Variants in NRG2 observed in about 807,000 individuals in gnomAD.
NRG2 encodes the protein pro-neuregulin-2, membrane-bound isoform.
NRG2 carries 27 observed loss-of-function variants against 73.9 expected under a neutral mutation model. That is an observed-to-expected ratio of 0.37 (90% CI 0.27 to 0.50). NRG2 has a LOEUF of 0.50. Ranked by LOEUF, NRG2 falls within the 20% of genes least tolerant of loss-of-function variation. The pLI is 0.96. For synonymous variants in NRG2, 532 were observed against 541.0 expected (o/e 0.98, Z 0.23); for missense variants, 1,126 against 1,210.1 (o/e 0.93, Z 1.03).
chr5:139,848,779 G>GGGGGGGGGGGC, intron 9 of NRG2, 82 bp from the exon 10 acceptor site: 3 of 198,602 alleles, frequency 1.5e-5, no homozygotes, highest in Non-Finnish European at 3.0e-5. Context: ...GGTAGGGTGG[G>GGGGGGGGGGGC]AGGGGCGGAC....
intron 1 of NRG2, among the ~76,000 whole-genome samples, chr5:140,037,430 G>A (rs1761585844): frequency 1.3e-5 from 2 of 152,164 alleles, no homozygotes; most frequent in African/African-American, 4.8e-5. Flanking sequence ...ATATTTGTGA[G>A]GTAAGGTATT....
chr5:139,913,648 A>G (rs1307090207), intron 1 of NRG2, among the ~76,000 whole-genome samples: 1 of 152,180 alleles, frequency 6.6e-6, no homozygotes, highest in Non-Finnish European at 1.5e-5. Flanking sequence ...GTGCCAGACA[A>G]TGCTTGCTCC....
intron 1 of NRG2, among the ~76,000 whole-genome samples, chr5:139,987,690 A>G (rs1757273891): frequency 6.6e-6 from 1 of 152,054 alleles, no homozygotes; most frequent in South Asian, 2.1e-4. Context: ...CTTTCATTTC[A>G]GGAAGCTAAC....
intron 4 of NRG2, 49 bp downstream of exon 4, chr5:139,871,672 A>C: frequency 1.2e-6 from 2 of 1,607,704 alleles, no homozygotes; most frequent in Non-Finnish European, 1.7e-6. Context: ...CTGACCCAGC[A>C]TCTCCTACCC....
At position 139,946,823 on chromosome 5, in the gene NRG2, G is replaced by A. The variant is rs867995088; in HGVS notation, c.701-59312C>T. On this transcript the variant is annotated intron_variant, in intron 1 of 9. Coordinates refer to ENST00000361474, the MANE Select transcript of NRG2 (RefSeq NM_004883.3). ...GGTTTAATTTTTTCTTTGGAGAAAT[G>A]TCTTTAATTTCTTCTTTGGAGAAAT... 7.9e-5 allele frequency among the ~76,000 whole-genome samples: 12 copies of A among 152,134 alleles called. No homozygotes were observed. In the South Asian group the frequency reaches 8.3e-4, roughly 11 times the overall value.
chr5:139,974,353 A>G (rs531709494), intron 1 of NRG2, among the ~76,000 whole-genome samples: 1 of 152,090 alleles, frequency 6.6e-6, no homozygotes, highest in Admixed American at 6.5e-5. Flanking sequence ...TCCTTGGCAA[A>G]ATGGGGAAGG....
At chr5:139,991,217 A>G (rs1757604396) in intron 1 of NRG2, among the ~76,000 whole-genome samples, 1 of 152,116 alleles carries the variant, frequency 6.6e-6, no homozygotes, top group African/African-American at 2.4e-5. Context: ...CAGAGGTTTC[A>G]GTGAGCCAAG....
intron 1 of NRG2, among the ~76,000 whole-genome samples, chr5:139,970,058 G>T (rs1293552611): frequency 6.6e-6 from 1 of 152,128 alleles, no homozygotes; most frequent in East Asian, 1.9e-4. Context: ...ACCTTTAGAA[G>T]TCCCTAAAGG....
chr5:139,929,768 G>A (rs1484462671), intron 1 of NRG2, among the ~76,000 whole-genome samples: 6 of 152,152 alleles, frequency 3.9e-5, no homozygotes. Flanking sequence ...CCCTCCAACA[G>A]TCTGACTCCT....
chr5:139,849,212 C>A (rs1335737369), intron 9 of NRG2, among the ~76,000 whole-genome samples: 1 of 152,188 alleles, frequency 6.6e-6, no homozygotes, highest in Non-Finnish European at 1.5e-5. Context: ...AGGATTTACA[C>A]AGCCAAGAAG....
chr5:139,850,808 C>T (rs1250692937), intron 9 of NRG2, among the ~76,000 whole-genome samples: 1 of 152,186 alleles, frequency 6.6e-6, no homozygotes, highest in Admixed American at 6.5e-5. Flanking sequence ...GTTGCTGCTA[C>T]TGCCAAGGCC....
At chr5:139,974,239 C>T in intron 1 of NRG2, among the ~76,000 whole-genome samples, 1 of 152,102 alleles carries the variant, frequency 6.6e-6, no homozygotes, top group East Asian at 1.9e-4. Context: ...TTCCTCCTCA[C>T]CGAGAAAATG....
At chr5:139,883,883 G>A (rs1763701990) in intron 2 of NRG2, among the ~76,000 whole-genome samples, 2 of 152,192 alleles carry the variant, frequency 1.3e-5, no homozygotes, top group Non-Finnish European at 2.9e-5. Context: ...GTAGGGAGCA[G>A]GGGGCACACT....
intron 1 of NRG2, among the ~76,000 whole-genome samples, chr5:139,984,153 C>A (rs1029549409): frequency 7.9e-5 from 12 of 152,034 alleles, no homozygotes; most frequent in African/African-American, 2.9e-4. Context: ...CTAAGAATTT[C>A]TTTTAAGGCA....
At position 139,979,256 on chromosome 5, in the gene NRG2, C is replaced by G. The variant is rs562463538; in HGVS notation, c.700+63114G>C. 5.3e-5 allele frequency among the ~76,000 whole-genome samples: 8 copies of G among 151,884 alleles called. No individual in the cohort carries two copies. The East Asian group carries it at 1.4e-3, about 26-fold the overall frequency. On this transcript the variant is annotated intron_variant, in intron 1 of 9. Coordinates refer to ENST00000361474, the MANE Select transcript of NRG2 (RefSeq NM_004883.3). ...AATTTAAAAAAAAAGAGAAAGACTA[C>G]TAAGTCTGAAGTCAGATGGACGCCT...
At chr5:139,936,496 A>G (rs6896463) in intron 1 of NRG2, among the ~76,000 whole-genome samples, 23,296 of 152,200 alleles carry the variant, frequency 0.15, 1,990 homozygotes, top group South Asian at 0.25. Context: ...TATTAAACCA[A>G]TTGAGTTTGT....
At chr5:140,007,916 G>C (rs1759038457) in intron 1 of NRG2, among the ~76,000 whole-genome samples, 1 of 152,194 alleles carries the variant, frequency 6.6e-6, no homozygotes, top group African/African-American at 2.4e-5. Context: ...CCAAGGATCA[G>C]GCCCAACTCA....
intron 3 of NRG2, among the ~76,000 whole-genome samples, chr5:139,880,180 A>G (rs1281813164): frequency 2.0e-5 from 3 of 152,158 alleles, no homozygotes; most frequent in African/African-American, 7.2e-5. Context: ...CTGCCTGAGG[A>G]CAGGTAGTTT....
chr5:139,961,811 T>C (rs1033221807), intron 1 of NRG2, among the ~76,000 whole-genome samples: 2 of 152,206 alleles, frequency 1.3e-5, no homozygotes, highest in African/African-American at 2.4e-5. Flanking sequence ...AAGAGGTCTC[T>C]CCTTGGCAGC....
Sources: allele counts gnomAD v4.1 joint callset (sites outside exome capture counted in the v4.1 genomes callset), GRCh38; gene constraint gnomAD v4.1.1; transcripts MANE v1.5; gene names NCBI Gene and HGNC (gene_info 2026-07-23, HGNC 2026-07-21).